The following LCA5L variants were observed in gnomAD, a reference collection of about 807,000 sequenced individuals.
The protein encoded by LCA5L is lebercilin-like protein.
A neutral mutation model predicts 45.4 loss-of-function variants in LCA5L; 35 were observed. The observed-to-expected ratio is 0.77, with a 90% confidence interval of 0.59 to 1.02. The LOEUF (loss-of-function observed/expected upper bound fraction) is 1.02. Ranked by LOEUF, LCA5L falls within the 50% of genes least tolerant of loss-of-function variation. The pLI, the probability that LCA5L is intolerant of heterozygous loss-of-function variation, is 0.00. For missense variants in LCA5L, 668 were observed against 761.6 expected, an observed-to-expected ratio of 0.88 and a Z score of 1.45; for synonymous variants, 233 against 264.7, an observed-to-expected ratio of 0.88 and a Z score of 1.16.
chr21:39,406,603 C>G lies in LCA5L; in HGVS notation c.1292G>C (p.Gly431Ala). 6.4e-7 allele frequency: 1 copy of G among 1,573,268 alleles called. No individual in the cohort carries two copies. The highest frequency in any genetic ancestry group is 8.6e-7 in the Non-Finnish European group (1 of 1,164,206). Reference sequence around the variant, plus strand: ...TTGGACTTCCAAATGTTTCTCTTCCCCTGATAAATCTATATTAGAAAAATA... The same window carrying G: ...TTGGACTTCCAAATGTTTCTCTTCCGCTGATAAATCTATATTAGAAAAATA... ...DSKRKYEDLSGEEKHLEVQIL... is the reference protein window; with the variant it reads ...DSKRKYEDLSAEEKHLEVQIL... Residue 431 changes from glycine to alanine, a missense_variant, in exon 11 of 11, where the codon GGG becomes GCG. By Grantham distance (60) the Gly-to-Ala change is moderately conservative (BLOSUM62 0). Transcript: ENST00000288350.
At chr21:39,436,170 G>C (rs555092200) in intron 2 of LCA5L, 36 of 152,188 alleles carry the variant, frequency 2.4e-4, no homozygotes, top group African/African-American at 8.2e-4. Flanking sequence ...TTTCTTGCCT[G>C]TCAACAATAA....
chr21:39,441,722 T>A (rs76966447), intron 2 of LCA5L, among the ~76,000 whole-genome samples: 1 of 152,096 alleles, frequency 6.6e-6, no homozygotes, highest in Non-Finnish European at 1.5e-5. Context: ...TGCAATGTAC[T>A]GCACTGAGTA....
intron 3 of LCA5L, among the ~76,000 whole-genome samples, chr21:39,431,128 T>C (rs1298387245): frequency 6.6e-6 from 1 of 152,192 alleles, no homozygotes; most frequent in Non-Finnish European, 1.5e-5. Context: ...AAATGTCCCC[T>C]AATGAGGCTT....
Position 39,406,380 on chromosome 21 carries a change from TG to T in LCA5L, c.1514del (p.Thr505AsnfsTer45). On this transcript the variant is annotated frameshift_variant, in exon 11 of 11. Coordinates refer to ENST00000288350, the MANE Select transcript of LCA5L (RefSeq NM_152505.4). LOFTEE classifies it low-confidence loss of function (END_TRUNC). ...RSMQRNGVDD[T>X]LGKGTAPYTK... ...TGTAGGGAGCAGTGCCTTTGCCAAGTGTGTCATCCACACCATTTCTCTGCAT... is the reference window on the plus strand; with the variant it reads ...TGTAGGGAGCAGTGCCTTTGCCAAGTTGTCATCCACACCATTTCTCTGCAT... 6.2e-7 allele frequency: 1 copy of T among 1,614,238 alleles called. No homozygotes were observed. Among genetic ancestry groups the T allele is most frequent in the Non-Finnish European group, 8.5e-7 (1 of 1,180,042 alleles).
At chr21:39,418,308 T>G (rs1175696324) in intron 7 of LCA5L, among the ~76,000 whole-genome samples, 2 of 152,196 alleles carry the variant, frequency 1.3e-5, no homozygotes, top group East Asian at 3.9e-4. Context: ...TCCTAGAGAT[T>G]ATTCCATAGT....
intron 10 of LCA5L, chr21:39,407,888 C>A (rs927256934): frequency 1.3e-5 from 2 of 152,250 alleles, no homozygotes; most frequent in African/African-American, 2.4e-5. Flanking sequence ...CAGTTTCCAC[C>A]AAACTGCAAC....
At chr21:39,407,785 C>T (rs2039344016) in intron 10 of LCA5L, 1 of 152,232 alleles carries the variant, frequency 6.6e-6, no homozygotes, top group Non-Finnish European at 1.5e-5. Flanking sequence ...AATGGATACA[C>T]TTTCTAGGAC....
intron 2 of LCA5L, among the ~76,000 whole-genome samples, chr21:39,441,269 A>G (rs1307935947): frequency 6.6e-6 from 1 of 152,198 alleles, no homozygotes; most frequent in Admixed American, 6.5e-5. Flanking sequence ...TCGCACAACT[A>G]CATTCCAGCC....
intron 1 of LCA5L, among the ~76,000 whole-genome samples, chr21:39,444,402 A>G (rs1165803438): frequency 6.6e-6 from 1 of 152,246 alleles, no homozygotes; most frequent in Admixed American, 6.5e-5. Context: ...CAGGATGCTT[A>G]TATGGCCTTG....
At chr21:39,411,903 A>T in intron 7 of LCA5L, 101 bp from the exon 8 acceptor site, 1 of 635,026 alleles carries the variant, frequency 1.6e-6, no homozygotes, top group Non-Finnish European at 2.8e-6. Flanking sequence ...CCTATGAATA[A>T]AATCTGTAGA....
chr21:39,441,492 A>C (rs1462062406), intron 2 of LCA5L, among the ~76,000 whole-genome samples: 1 of 152,232 alleles, frequency 6.6e-6, no homozygotes, highest in African/African-American at 2.4e-5. Flanking sequence ...TAAATGAAAT[A>C]TACCTATATA....
At position 39,435,401 on chromosome 21, in the gene LCA5L, G is replaced by A. The variant is rs2076197831; in HGVS notation, c.-92+19C>T. On this transcript the variant is annotated intron_variant, in intron 3 of 10. Transcript: ENST00000288350. ...GAAAATAAAACACACTAAAATGTTT[G>A]AAAGTGATTACTGCATACCTGGTGT... The A allele has an allele frequency of 6.6e-6, 1 of 152,210 alleles. No individual in the cohort carries two copies. Among genetic ancestry groups the A allele is most frequent in the Non-Finnish European group, 1.5e-5 (1 of 68,040 alleles). The allele number at this position is 152,210 out of a possible 1,614,324, so 9.4% of individuals were successfully genotyped here.
chr21:39,434,414 A>ATACAC (rs140685580), intron 3 of LCA5L, among the ~76,000 whole-genome samples: 1 of 152,192 alleles, frequency 6.6e-6, no homozygotes, highest in Non-Finnish European at 1.5e-5. Context: ...ATTAATATAC[A>ATACAC]TACACTACAC....
intron 5 of LCA5L, among the ~76,000 whole-genome samples, chr21:39,424,796 C>T (rs1482983285): frequency 6.6e-6 from 1 of 152,148 alleles, no homozygotes; most frequent in Non-Finnish European, 1.5e-5. Context: ...TGGCATGTGT[C>T]CAGGGGTCTA....
intron 5 of LCA5L, among the ~76,000 whole-genome samples, chr21:39,427,136 C>T (rs1178530234): frequency 6.6e-6 from 1 of 152,224 alleles, no homozygotes; most frequent in Non-Finnish European, 1.5e-5. Flanking sequence ...GGCAGATGCA[C>T]TCCCCAAACA....
In LCA5L at chr21:39,422,980, AT is replaced by A; in HGVS notation, c.832del (p.Ile278TyrfsTer8). The A allele has an allele frequency of 1.2e-6, 2 of 1,613,130 alleles. No individual in the cohort carries two copies. Among genetic ancestry groups the A allele is most frequent in the African/African-American group, 1.3e-5 (1 of 74,890 alleles). On this transcript the variant is annotated frameshift_variant, in exon 6 of 11. Coordinates refer to ENST00000288350, the MANE Select transcript of LCA5L (RefSeq NM_152505.4). LOFTEE classifies it high-confidence loss of function. ...TTKMDANDKK[I>X]QSLEKQLRLN... Reference sequence around the variant, plus strand: ...CTGGGCCCCTGAAATACAGACCTGTATTTTTTTGTCATTTGCGTCCATTTTT... The same window carrying A: ...CTGGGCCCCTGAAATACAGACCTGTATTTTTTGTCATTTGCGTCCATTTTT...
In LCA5L at chr21:39,422,703, G is replaced by C. The variant is rs1277085313; in HGVS notation, c.837+273C>G. The stretch of plus-strand genomic sequence containing the variant: ...TTAGCACTGTAGCTGTGCTCTCTTA[G>C]AGAATGGTCATTTCCAGATAAACCA... On this transcript the variant is annotated intron_variant, in intron 6 of 10. Transcript: ENST00000288350. 5.8e-6 allele frequency: 3 copies of C among 520,340 alleles called. No homozygotes were observed. In the African/African-American group the frequency reaches 5.9e-5, roughly 10 times the overall value. The allele number at this position is 520,340 out of a possible 1,614,324, so 32.2% of individuals were successfully genotyped here. A position where few individuals can be genotyped will look rare whatever the true frequency, so the allele number is the denominator to read the frequency against.
chr21:39,421,258 T>C (rs187137634), intron 6 of LCA5L, among the ~76,000 whole-genome samples: 19 of 152,236 alleles, frequency 1.2e-4, no homozygotes, highest in Admixed American at 5.9e-4. Context: ...CACACCACCA[T>C]GCCTGGATAA....
intron 7 of LCA5L, among the ~76,000 whole-genome samples, chr21:39,416,859 G>A (rs2147413971): frequency 6.6e-6 from 1 of 152,172 alleles, no homozygotes; most frequent in South Asian, 2.1e-4. Flanking sequence ...CTGGCCATAT[G>A]CAATGACATT....
Sources: allele counts gnomAD v4.1 joint callset (sites outside exome capture counted in the v4.1 genomes callset), GRCh38; gene constraint gnomAD v4.1.1; transcripts MANE v1.5; gene names NCBI Gene and HGNC (gene_info 2026-07-23, HGNC 2026-07-21).